GABRB3: variants seen among roughly 807,000 people sequenced by gnomAD.
GABRB3 encodes gamma-aminobutyric acid receptor subunit beta-3.
GABRB3 carries 14 observed loss-of-function variants against 52.1 expected under a neutral mutation model. The observed-to-expected ratio is 0.27, with a 90% CI of 0.18 to 0.42. GABRB3 has a LOEUF of 0.42. Among genes scored for constraint, GABRB3 ranks in the 10% least tolerant of loss-of-function variants. The pLI, the probability that GABRB3 is intolerant of heterozygous loss-of-function variation, is 1.00. For synonymous variants in GABRB3, 260 were observed against 232.3 expected, an observed-to-expected ratio of 1.12 and a Z score of -1.08; for missense variants, 307 against 609.1, an observed-to-expected ratio of 0.50 and a Z score of 5.22.
intron 3 of GABRB3, among the ~76,000 whole-genome samples, chr15:26,648,657 A>G (rs1595507536): frequency 1.3e-5 from 2 of 152,346 alleles, no homozygotes; most frequent in Admixed American, 1.3e-4. Flanking sequence ...GAGACAAGGC[A>G]TACAGAAGAG....
At chr15:26,740,934 G>A (rs183593061) in intron 3 of GABRB3, among the ~76,000 whole-genome samples, 25 of 152,238 alleles carry the variant, frequency 1.6e-4, no homozygotes, top group African/African-American at 2.4e-4. Context: ...GGGAGATGGC[G>A]GGAGCAGCAC....
At chr15:26,682,850 T>C (rs1888281308) in intron 3 of GABRB3, among the ~76,000 whole-genome samples, 1 of 152,154 alleles carries the variant, frequency 6.6e-6, no homozygotes, top group Non-Finnish European at 1.5e-5. Flanking sequence ...AATACACCCA[T>C]CAACCTCCCA....
chr15:26,657,158 G>A (rs1449765546), intron 3 of GABRB3: 1 of 152,160 alleles, frequency 6.6e-6, no homozygotes, highest in Non-Finnish European at 1.5e-5. Flanking sequence ...ATGACCTTAA[G>A]ACCCGCAGCA....
chr15:26,624,868 T>C (rs1892627666), intron 3 of GABRB3: 7 of 985,418 alleles, frequency 7.1e-6, no homozygotes, highest in Non-Finnish European at 8.4e-6. Context: ...ACGGGAGCCA[T>C]GGTGCCGCTC....
At chr15:26,562,513 T>A (rs991824236) in intron 7 of GABRB3, among the ~76,000 whole-genome samples, 1 of 152,218 alleles carries the variant, frequency 6.6e-6, no homozygotes, top group African/African-American at 2.4e-5. Context: ...GTGCCAGCCC[T>A]ACATTTCAGC....
At chr15:26,599,358 T>A (rs1156676320) in intron 4 of GABRB3, among the ~76,000 whole-genome samples, 1 of 152,166 alleles carries the variant, frequency 6.6e-6, no homozygotes, top group Non-Finnish European at 1.5e-5. Flanking sequence ...TGATTCCACA[T>A]CAGGATGGGC....
intron 3 of GABRB3, among the ~76,000 whole-genome samples, chr15:26,699,624 G>A (rs1323864489): frequency 6.6e-6 from 1 of 152,008 alleles, no homozygotes; most frequent in Non-Finnish European, 1.5e-5. Context: ...CTAAGATTGA[G>A]CTTCTAGAAA....
At chr15:26,610,807 T>A (rs1366316154) in intron 4 of GABRB3, among the ~76,000 whole-genome samples, 1 of 152,118 alleles carries the variant, frequency 6.6e-6, no homozygotes, top group African/African-American at 2.4e-5. Context: ...ATTGCTAGAG[T>A]TCCAAAGTAA....
At chr15:26,619,652 A>G (rs1428453879) in intron 4 of GABRB3, among the ~76,000 whole-genome samples, 2 of 152,108 alleles carry the variant, frequency 1.3e-5, no homozygotes, top group Non-Finnish European at 2.9e-5. Context: ...CATGTACCCT[A>G]AAACTTAAAG....
rs138036416 is a variant in GABRB3 at position 26,598,402 on chromosome 15, G to A, written c.462-14988C>T. ...CACCAAGTGGTGGAATAGGATGCCA[G>A]ACTACACCTTCACCCCTCCACCCCA... On this transcript the variant is annotated intron_variant, in intron 4 of 8. Transcript: ENST00000311550. Among the ~76,000 whole-genome samples, 296 of 152,230 alleles carry A rather than the reference G, an allele frequency of 1.9e-3. 6 individuals carry two copies. The East Asian group carries it at 0.036, about 19-fold the overall frequency.
intron 3 of GABRB3, among the ~76,000 whole-genome samples, chr15:26,654,140 TG>T (rs969092155): frequency 3.3e-5 from 5 of 152,084 alleles, no homozygotes; most frequent in East Asian, 1.9e-4. Context: ...TAAACAAAGG[TG>T]TTTTTTTGTT....
At chr15:26,769,610 CTCTGCCAT>C (rs1448738850) in intron 3 of GABRB3, among the ~76,000 whole-genome samples, 1 of 152,180 alleles carries the variant, frequency 6.6e-6, no homozygotes, top group African/African-American at 2.4e-5. Context: ...CCATTCGTAA[CTCTGCCAT>C]TTTCTTTCCT....
chr15:26,671,180 C>T (rs1668479344), intron 3 of GABRB3, among the ~76,000 whole-genome samples: 2 of 152,176 alleles, frequency 1.3e-5, no homozygotes, highest in African/African-American at 4.8e-5. Flanking sequence ...CAAAAATGTC[C>T]TCAGAACAGA....
chr15:26,649,269 G>T (rs964856260), intron 3 of GABRB3, among the ~76,000 whole-genome samples: 4 of 152,120 alleles, frequency 2.6e-5, no homozygotes, highest in African/African-American at 9.7e-5. Flanking sequence ...TTGTAAAAGG[G>T]CTAGAGGGAC....
At chr15:26,610,754 A>T (rs1230410077) in intron 4 of GABRB3, among the ~76,000 whole-genome samples, 1 of 152,198 alleles carries the variant, frequency 6.6e-6, no homozygotes, top group Non-Finnish European at 1.5e-5. Flanking sequence ...AATTTTAAGC[A>T]TGTAAACCTG....
At chr15:26,727,789 C>T (rs1256925750) in intron 3 of GABRB3, among the ~76,000 whole-genome samples, 1 of 152,218 alleles carries the variant, frequency 6.6e-6, no homozygotes, top group Non-Finnish European at 1.5e-5. Flanking sequence ...ACCAATACCA[C>T]TGATTCCAAT....
At chr15:26,598,485 A>G (rs927038421) in intron 4 of GABRB3, among the ~76,000 whole-genome samples, 7 of 152,154 alleles carry the variant, frequency 4.6e-5, no homozygotes, top group South Asian at 2.1e-4. Flanking sequence ...GAAAATTTCA[A>G]TATTGAAACA....
intron 3 of GABRB3, among the ~76,000 whole-genome samples, chr15:26,758,822 T>C (rs1327428511): frequency 6.6e-6 from 1 of 152,236 alleles, no homozygotes. Context: ...ACACCACCAT[T>C]GTAGACAAAT....
intron 3 of GABRB3, among the ~76,000 whole-genome samples, chr15:26,742,947 T>TTTCTTG (rs771203717): frequency 9.6e-6 from 1 of 104,168 alleles, no homozygotes; most frequent in Non-Finnish European, 1.9e-5. Flanking sequence ...TTTTTTTTTT[T>TTTCTTG]GAGACAGAGT....
Sources: allele counts gnomAD v4.1 joint callset (sites outside exome capture counted in the v4.1 genomes callset), GRCh38; gene constraint gnomAD v4.1.1; transcripts MANE v1.5; gene names NCBI Gene and HGNC (gene_info 2026-07-23, HGNC 2026-07-21).